DYNC1I1: variants seen among roughly 807,000 people sequenced by gnomAD.
The protein encoded by DYNC1I1 is cytoplasmic dynein 1 intermediate chain 1.
DYNC1I1 carries 43 observed loss-of-function variants against 86.6 expected under a neutral mutation model. The observed-to-expected ratio is 0.50, with a 90% CI of 0.39 to 0.64. The LOEUF is 0.64. Among genes scored for constraint, DYNC1I1 ranks in the 30% least tolerant of loss-of-function variants. The pLI, the probability that DYNC1I1 is intolerant of heterozygous loss-of-function variation, is 0.00. For missense variants in DYNC1I1, 604 were observed against 788.8 expected, an observed-to-expected ratio of 0.77 and a Z score of 2.81; for synonymous variants, 262 against 283.7, an observed-to-expected ratio of 0.92 and a Z score of 0.77.
chr7:95,995,962 G>A lies in DYNC1I1; in HGVS notation c.858G>A (p.Met286Ile), dbSNP rs1793856971. The A allele has an allele frequency of 6.2e-7, 1 of 1,605,582 alleles. No homozygotes were observed. Among genetic ancestry groups the A allele is most frequent in the African/African-American group, 1.3e-5 (1 of 74,406 alleles). Residue 286 changes from methionine to isoleucine, a missense_variant, in exon 10 of 17, where the codon ATG becomes ATA. Met to Ile is a conservative substitution (Grantham distance 10, BLOSUM62 1). Transcript: ENST00000447467. ...MDWSLQYPEL[M>I]VASYNNNEDA... ...CTTCCATTTAGTACCCTGAGCTGATGGTGGCTTCTTACAACAACAATGAAG... is the reference window on the plus strand; with the variant it reads ...CTTCCATTTAGTACCCTGAGCTGATAGTGGCTTCTTACAACAACAATGAAG...
intron 10 of DYNC1I1, among the ~76,000 whole-genome samples, chr7:96,027,149 G>A (rs78661359): frequency 8.5e-5 from 13 of 152,216 alleles, no homozygotes; most frequent in African/African-American, 3.1e-4. Context: ...ATGTTTTTTA[G>A]TTCCCTTTCC....
At chr7:95,980,146 G>A (rs1454919140) in intron 7 of DYNC1I1, among the ~76,000 whole-genome samples, 1 of 152,076 alleles carries the variant, frequency 6.6e-6, no homozygotes, top group African/African-American at 2.4e-5. Context: ...TGTTACTCGT[G>A]CTTCATGGAA....
At chr7:95,778,378 A>G (rs1793900206) in intron 1 of DYNC1I1, among the ~76,000 whole-genome samples, 1 of 152,200 alleles carries the variant, frequency 6.6e-6, no homozygotes, top group African/African-American at 2.4e-5. Flanking sequence ...GGCCAGGGGT[A>G]TGCAAATGCC....
At chr7:95,814,350 A>T (rs994617120) in intron 4 of DYNC1I1, among the ~76,000 whole-genome samples, 1 of 152,164 alleles carries the variant, frequency 6.6e-6, no homozygotes, top group African/African-American at 2.4e-5. Flanking sequence ...CTCTTAATTT[A>T]AAAAAATCAT....
intron 6 of DYNC1I1, among the ~76,000 whole-genome samples, chr7:95,876,951 G>GA (rs1267739417): frequency 6.6e-6 from 1 of 151,918 alleles, no homozygotes; most frequent in East Asian, 1.9e-4. Flanking sequence ...GTAAAAAAAA[G>GA]AAAAAAAGAA....
At chr7:95,804,243 T>G (rs1256141026) in intron 1 of DYNC1I1, 3 of 467,340 alleles carry the variant, frequency 6.4e-6, no homozygotes, top group Non-Finnish European at 9.3e-6. Flanking sequence ...CCGAGCTCAG[T>G]GGAGGAATGT....
intron 10 of DYNC1I1, among the ~76,000 whole-genome samples, chr7:96,024,763 A>G (rs906748541): frequency 3.9e-5 from 6 of 152,210 alleles, no homozygotes; most frequent in African/African-American, 1.4e-4. Context: ...ATTTATTAGT[A>G]GTGTCAACCA....
chr7:95,918,973 G>A lies in DYNC1I1; in HGVS notation c.490+48975G>A, dbSNP rs116016847. ...GTACTTCTCAACAGTTTTAGGAACT[G>A]TTTTTTACTCTAGCCTTTGAGGACA... On this transcript the variant is annotated intron_variant, in intron 6 of 16. Transcript: ENST00000447467. Among the ~76,000 whole-genome samples, 1,211 of 152,236 alleles carry A rather than the reference G, an allele frequency of 8.0e-3. 21 individuals are homozygous for A. Among genetic ancestry groups the A allele is most frequent in the African/African-American group, 0.026 (1,099 of 41,554 alleles).
Position 95,792,666 on chromosome 7 carries a change from A to C in DYNC1I1, c.-9-12055A>C, listed in dbSNP as rs547312905. On this transcript the variant is annotated intron_variant, in intron 1 of 16. Coordinates refer to ENST00000447467, the MANE Select transcript of DYNC1I1 (RefSeq NM_001135556.2). The stretch of plus-strand genomic sequence containing the variant: ...TACCATGTAAAACTTACATTAAATA[A>C]ATTTGTATGATTTTCTCCTTCTAAT... Among the ~76,000 whole-genome samples the C allele has an allele frequency of 8.1e-4, 123 of 151,926 alleles. 2 individuals carry two copies. Among genetic ancestry groups the C allele is most frequent in the Non-Finnish European group, 1.8e-4 (12 of 68,036 alleles).
chr7:96,067,643 G>T (rs2116208448), intron 14 of DYNC1I1, among the ~76,000 whole-genome samples: 1 of 152,034 alleles, frequency 6.6e-6, no homozygotes, highest in Middle Eastern at 3.4e-3. Context: ...ACCTATGGCT[G>T]TTAAATATTT....
intron 6 of DYNC1I1, among the ~76,000 whole-genome samples, chr7:95,976,299 T>A (rs956309176): frequency 1.3e-5 from 2 of 152,250 alleles, no homozygotes; most frequent in Non-Finnish European, 2.9e-5. Context: ...AATATCTAAA[T>A]TGCAATGCTA....
chr7:95,861,194 C>T (rs1789868186), intron 5 of DYNC1I1, among the ~76,000 whole-genome samples: 1 of 152,064 alleles, frequency 6.6e-6, no homozygotes, highest in South Asian at 2.1e-4. Flanking sequence ...CAGATCTAAC[C>T]GATGTACCAT....
At chr7:96,076,235 GA>G (rs1218883239) in intron 15 of DYNC1I1, 38 bp downstream of exon 15, 65 of 1,608,760 alleles carry the variant, frequency 4.0e-5, no homozygotes, top group Non-Finnish European at 5.4e-5. Flanking sequence ...GGAGGGCTGG[GA>G]GGGGGGCGCA....
intron 1 of DYNC1I1, among the ~76,000 whole-genome samples, chr7:95,777,045 C>G (rs890505028): frequency 6.6e-6 from 1 of 152,158 alleles, no homozygotes; most frequent in Non-Finnish European, 1.5e-5. Flanking sequence ...CCTACCATAG[C>G]TCATAGTTTC....
At chr7:95,840,759 T>G (rs546154384) in intron 5 of DYNC1I1, among the ~76,000 whole-genome samples, 13 of 152,358 alleles carry the variant, frequency 8.5e-5, no homozygotes, top group African/African-American at 3.1e-4. Flanking sequence ...GCTTCCAAAC[T>G]GCCATCTGTT....
At chr7:95,905,743 A>T (rs565227023) in intron 6 of DYNC1I1, among the ~76,000 whole-genome samples, 7 of 151,060 alleles carry the variant, frequency 4.6e-5, no homozygotes, top group Non-Finnish European at 8.8e-5. Context: ...TCCTGTCAAC[A>T]CTGTGAGCAG....
At chr7:95,912,914 T>C (rs1007916870) in intron 6 of DYNC1I1, among the ~76,000 whole-genome samples, 1 of 152,178 alleles carries the variant, frequency 6.6e-6, no homozygotes, top group Non-Finnish European at 1.5e-5. Flanking sequence ...ATTGGTTTCA[T>C]GCATCCTTGG....
At chr7:96,004,481 C>T (rs1448584120) in intron 10 of DYNC1I1, among the ~76,000 whole-genome samples, 1 of 152,084 alleles carries the variant, frequency 6.6e-6, no homozygotes, top group Non-Finnish European at 1.5e-5. Context: ...TGCAGCATTA[C>T]ATCTTTGCTT....
At chr7:96,020,261 G>T (rs1328161730) in intron 10 of DYNC1I1, among the ~76,000 whole-genome samples, 1 of 152,120 alleles carries the variant, frequency 6.6e-6, no homozygotes, top group Non-Finnish European at 1.5e-5. Flanking sequence ...ATTTACTAGA[G>T]AAAGAGGTTT....
Sources: gnomAD v4.1 joint callset for allele counts (sites outside exome capture counted in the v4.1 genomes callset) on GRCh38, gnomAD v4.1.1 for gene constraint, MANE v1.5 for transcripts, NCBI Gene and HGNC (gene_info 2026-07-23, HGNC 2026-07-21) for gene names.